Variants in MTBP observed in about 807,000 individuals in gnomAD.
MTBP encodes the protein mdm2-binding protein.
In MTBP, 101 loss-of-function variants were observed where a neutral mutation model predicts 117.0. The observed-to-expected ratio is 0.86, with a 90% CI of 0.73 to 1.02. The LOEUF (loss-of-function observed/expected upper bound fraction) is 1.02, where lower values mean the gene tolerates loss of function less well. MTBP is among the 50% of genes least tolerant of loss of function. The pLI is 0.00. For synonymous variants in MTBP, 350 were observed against 351.5 expected (o/e 1.00, Z 0.05); for missense variants, 970 against 1,030.9 (o/e 0.94, Z 0.81).
In MTBP at chr8:120,470,880, C is replaced by G. The variant is rs1445567080; in HGVS notation, c.1108C>G (p.Gln370Glu). 1 of 1,612,402 alleles carries G rather than the reference C, an allele frequency of 6.2e-7. No homozygotes were observed. ...ISNILIPPPN[Q>E]LSSRKWKEYI... ...TAACATACTGATTCCACCTCCCAAC[C>G]AACTCAGTTCAAGAAAATGGAAGGA... Residue 370 changes from glutamine (Q) to glutamate (E), a missense_variant, in exon 11 of 22, where the codon CAA (glutamine) becomes GAA (glutamate). By Grantham distance (29) the Gln-to-Glu change is conservative. Transcript: ENST00000305949.
intron 18 of MTBP, 59 bp downstream of exon 18, chr8:120,516,250 T>TTTTTA (rs1166356725): frequency 1.4e-6 from 2 of 1,382,774 alleles, no homozygotes; most frequent in Non-Finnish European, 1.9e-6. Flanking sequence ...GTCTCGAGGA[T>TTTTTA]TTTTATTTTA....
chr8:120,471,146 A>C (rs1477102621), intron 11 of MTBP: 1 of 423,280 alleles, frequency 2.4e-6, no homozygotes, highest in African/African-American at 2.0e-5. Context: ...AATGCTAGTG[A>C]TCTAAAGGCA....
At chr8:120,478,240 C>G (rs963785166) in intron 11 of MTBP, among the ~76,000 whole-genome samples, 1 of 151,982 alleles carries the variant, frequency 6.6e-6, no homozygotes, top group Non-Finnish European at 1.5e-5. Flanking sequence ...ACATCACATA[C>G]TGGGGCCTGT....
At chr8:120,454,589 T>C (rs530309909) in intron 5 of MTBP, among the ~76,000 whole-genome samples, 8 of 152,040 alleles carry the variant, frequency 5.3e-5, no homozygotes, top group Non-Finnish European at 1.0e-4. Context: ...AGGAGCCAAG[T>C]GTACCATGAT....
intron 10 of MTBP, among the ~76,000 whole-genome samples, chr8:120,467,029 A>T (rs1188235042): frequency 2.0e-5 from 3 of 152,220 alleles, no homozygotes; most frequent in Non-Finnish European, 4.4e-5. Context: ...TGGTGCTTAA[A>T]TTCTATTGCT....
chr8:120,480,302 C>T (rs1814049550), intron 11 of MTBP, among the ~76,000 whole-genome samples: 1 of 151,822 alleles, frequency 6.6e-6, no homozygotes, highest in South Asian at 2.1e-4. Flanking sequence ...CCCAGCTGCT[C>T]TGGAGACTGA....
At chr8:120,483,248 G>A (rs1290270857) in intron 11 of MTBP, among the ~76,000 whole-genome samples, 1 of 151,626 alleles carries the variant, frequency 6.6e-6, no homozygotes, top group East Asian at 1.9e-4. Context: ...TTCAAAAGTT[G>A]AGTCTAGAAT....
intron 1 of MTBP, 103 bp downstream of exon 1, chr8:120,445,691 C>T (rs941344928): frequency 1.7e-5 from 15 of 908,312 alleles, no homozygotes; most frequent in Non-Finnish European, 2.5e-5. Flanking sequence ...ATGTAGTTGT[C>T]CCACGAAGCT....
At chr8:120,501,694 A>G (rs1336531476) in intron 14 of MTBP, among the ~76,000 whole-genome samples, 1 of 152,234 alleles carries the variant, frequency 6.6e-6, no homozygotes, top group Non-Finnish European at 1.5e-5. Context: ...TATTAGAACA[A>G]TGTTCAAAAC....
chr8:120,488,168 T>C lies in MTBP; in HGVS notation c.1175T>C (p.Val392Ala), dbSNP rs765983642. The C allele has an allele frequency of 6.3e-7, 1 of 1,584,422 alleles. No homozygotes were observed. Among genetic ancestry groups the C allele is most frequent in the Admixed American group, 1.9e-5 (1 of 53,200 alleles). The change falls in exon 12 of 22, where the codon GTT becomes GCT. Residue 392 changes from valine to alanine, a missense_variant. Val to Ala is a moderately conservative substitution (Grantham distance 64). Coordinates refer to ENST00000305949, the MANE Select transcript of MTBP (RefSeq NM_022045.5). ...AATTGTTTTTGTTTAGTTCCAGATG[T>C]TGAAGTGAAAGGAGAGTGTTCTAGC... is the stretch of plus-strand genomic sequence containing the variant. ...KKPKTISVPD[V>A]EVKGECSSYY... is the part of the protein sequence containing the mutation.
At chr8:120,492,113 A>G (rs1282430210) in intron 13 of MTBP, among the ~76,000 whole-genome samples, 4 of 152,242 alleles carry the variant, frequency 2.6e-5, no homozygotes, top group African/African-American at 9.6e-5. Flanking sequence ...AGTTGCTGCT[A>G]GAGACACTGG....
intron 18 of MTBP, among the ~76,000 whole-genome samples, chr8:120,517,493 T>C (rs1280853849): frequency 2.6e-5 from 4 of 151,988 alleles, no homozygotes; most frequent in Non-Finnish European, 5.9e-5. Flanking sequence ...ACCTTCTATG[T>C]GTTAGTTACT....
intron 11 of MTBP, among the ~76,000 whole-genome samples, chr8:120,474,798 C>T (rs564645642): frequency 6.6e-6 from 1 of 151,964 alleles, no homozygotes; most frequent in South Asian, 2.1e-4. Context: ...ATGGAATTTA[C>T]ACTGTACCAC....
intron 9 of MTBP, 22 bp from the exon 10 acceptor site, chr8:120,463,670 T>A: frequency 6.4e-7 from 1 of 1,567,192 alleles, no homozygotes; most frequent in Non-Finnish European, 8.7e-7. Flanking sequence ...CATTACATCA[T>A]TTCTTTAACT....
intron 9 of MTBP, 142 bp downstream of exon 9, chr8:120,461,397 C>T (rs1813580474): frequency 3.4e-6 from 2 of 596,724 alleles, no homozygotes; most frequent in Non-Finnish European, 2.8e-6. Context: ...AAGTAGGCTG[C>T]TGGACTCCTT....
chr8:120,518,625 A>G, intron 19 of MTBP, 79 bp from the exon 20 acceptor site: 1 of 871,250 alleles, frequency 1.1e-6, no homozygotes, highest in Non-Finnish European at 1.8e-6. Context: ...TGTAATTCAC[A>G]GGATTGAACT....
At chr8:120,458,751 G>A (rs1212058771) in intron 7 of MTBP, among the ~76,000 whole-genome samples, 1 of 150,634 alleles carries the variant, frequency 6.6e-6, no homozygotes, top group Non-Finnish European at 1.5e-5. Flanking sequence ...TGAGGCAGGA[G>A]AATCACTTGA....
intron 9 of MTBP, among the ~76,000 whole-genome samples, chr8:120,462,283 G>T: frequency 6.6e-6 from 1 of 152,158 alleles, no homozygotes; most frequent in East Asian, 1.9e-4. Flanking sequence ...AGTGGCATTT[G>T]GAATGGAGAG....
intron 11 of MTBP, among the ~76,000 whole-genome samples, chr8:120,483,488 A>G (rs1252524544): frequency 1.3e-4 from 20 of 152,134 alleles, no homozygotes; most frequent in Admixed American, 1.2e-3. Context: ...TCCTTCCATC[A>G]TGTGGAATAT....
Sources: allele counts gnomAD v4.1 joint callset (sites outside exome capture counted in the v4.1 genomes callset), GRCh38; gene constraint gnomAD v4.1.1; transcripts MANE v1.5; gene names NCBI Gene and HGNC (gene_info 2026-07-23, HGNC 2026-07-21).